Variants in GRM7 observed in about 807,000 individuals in gnomAD.
GRM7 encodes the protein metabotropic glutamate receptor 7.
A neutral mutation model predicts 84.5 loss-of-function variants in GRM7; 35 were observed. The observed-to-expected ratio is 0.41, with a 90% CI of 0.32 to 0.55. The LOEUF (loss-of-function observed/expected upper bound fraction) is 0.55. Among genes scored for constraint, GRM7 ranks in the 20% least tolerant of loss-of-function variants. The probability of loss-of-function intolerance (pLI) is 0.19; values close to 1 mark genes in which losing one functional copy is unlikely to be tolerated. For synonymous variants in GRM7, 487 were observed against 455.1 expected (o/e 1.07, Z -0.89); for missense variants, 1,003 against 1,194.6 (o/e 0.84, Z 2.36).
intron 2 of GRM7, among the ~76,000 whole-genome samples, chr3:7,222,501 T>G (rs1696842789): frequency 6.6e-6 from 1 of 151,582 alleles, no homozygotes; most frequent in African/African-American, 2.4e-5. Context: ...AGAACTGAAG[T>G]CAGCCAATGG....
rs184949030 is a variant in GRM7, at chr3:7,207,809, C to T, written c.736+61141C>T. On this transcript the variant is annotated intron_variant, in intron 2 of 9. Transcript: ENST00000357716. ...ACAACTTTCAGAATTATTTTACTTTCTTTCCAAATCATACTGGTTTTGCTA... is the reference window on the plus strand; with the variant it reads ...ACAACTTTCAGAATTATTTTACTTTTTTTCCAAATCATACTGGTTTTGCTA... Among the ~76,000 whole-genome samples the T allele has an allele frequency of 1.1e-3, 171 of 152,098 alleles. 1 individual carries two copies. The highest frequency in any genetic ancestry group is 4.0e-3 in the African/African-American group (167 of 41,368).
intron 4 of GRM7, among the ~76,000 whole-genome samples, chr3:7,307,291 C>T (rs1039161197): frequency 1.3e-5 from 2 of 151,614 alleles, no homozygotes; most frequent in Non-Finnish European, 2.9e-5. Context: ...ACAAAATTTG[C>T]CGATTATAAG....
At chr3:7,254,458 T>G (rs1698125405) in intron 2 of GRM7, among the ~76,000 whole-genome samples, 1 of 152,226 alleles carries the variant, frequency 6.6e-6, no homozygotes, top group Non-Finnish European at 1.5e-5. Flanking sequence ...ATGTTCAGCG[T>G]ACAAGCTGTA....
At chr3:7,205,322 T>A (rs1696198900) in intron 2 of GRM7, among the ~76,000 whole-genome samples, 3 of 152,170 alleles carry the variant, frequency 2.0e-5, no homozygotes, top group African/African-American at 7.2e-5. Context: ...CTAGTGCAAT[T>A]TGTAACTGTG....
At chr3:7,708,642 G>T (rs1007155957) in intron 9 of GRM7, among the ~76,000 whole-genome samples, 1 of 152,118 alleles carries the variant, frequency 6.6e-6, no homozygotes, top group African/African-American at 2.4e-5. Flanking sequence ...GAGCAAAGGA[G>T]TTTTCCAGGA....
chr3:6,946,536 A>T (rs1698088979), intron 1 of GRM7, among the ~76,000 whole-genome samples: 1 of 152,130 alleles, frequency 6.6e-6, no homozygotes. Flanking sequence ...TTGACATGGC[A>T]ATGCAGGCTC....
At chr3:6,950,214 T>A (rs1317058485) in intron 1 of GRM7, among the ~76,000 whole-genome samples, 4 of 152,188 alleles carry the variant, frequency 2.6e-5, no homozygotes, top group African/African-American at 9.7e-5. Flanking sequence ...TTGATGATGG[T>A]GATGTACAGA....
chr3:7,342,858 C>T (rs978382174), intron 4 of GRM7, among the ~76,000 whole-genome samples: 2 of 152,130 alleles, frequency 1.3e-5, no homozygotes, highest in East Asian at 3.9e-4. Context: ...CCTATGTGGT[C>T]TGTAGCTTTG....
At chr3:7,537,317 G>A (rs534928927) in intron 7 of GRM7, among the ~76,000 whole-genome samples, 26 of 151,946 alleles carry the variant, frequency 1.7e-4, no homozygotes. Context: ...CTAAAACTAC[G>A]GTTCTCAACT....
At chr3:7,547,351 C>G (rs1318165567) in intron 7 of GRM7, among the ~76,000 whole-genome samples, 2 of 151,776 alleles carry the variant, frequency 1.3e-5, no homozygotes, top group African/African-American at 4.8e-5. Context: ...GGACTACAGG[C>G]GCCCGCCGCC....
intron 9 of GRM7, among the ~76,000 whole-genome samples, chr3:7,717,399 C>T (rs571636319): frequency 2.9e-4 from 44 of 152,148 alleles, no homozygotes; most frequent in Middle Eastern, 3.4e-3. Context: ...CAGGTGGTTG[C>T]GGAAGGTCTA....
intron 5 of GRM7, among the ~76,000 whole-genome samples, chr3:7,421,778 G>A (rs1696404060): frequency 6.6e-6 from 1 of 151,932 alleles, no homozygotes; most frequent in African/African-American, 2.4e-5. Flanking sequence ...GGTTGCTGGA[G>A]GTTCTAGAGC....
At chr3:7,614,983 A>G (rs951208692) in intron 8 of GRM7, among the ~76,000 whole-genome samples, 4 of 152,042 alleles carry the variant, frequency 2.6e-5, no homozygotes, top group Admixed American at 2.6e-4. Context: ...TCTGTGTCAT[A>G]CCCTTTGGGC....
At chr3:7,385,155 G>A (rs565833738) in intron 4 of GRM7, among the ~76,000 whole-genome samples, 45 of 151,588 alleles carry the variant, frequency 3.0e-4, no homozygotes, top group African/African-American at 1.2e-4. Context: ...ATGCATTTCC[G>A]GGAGATTAAG....
chr3:7,553,874 T>C (rs537362556), intron 7 of GRM7, among the ~76,000 whole-genome samples: 20 of 152,174 alleles, frequency 1.3e-4, no homozygotes, highest in Middle Eastern at 3.2e-3. Flanking sequence ...ACCTAGGAAA[T>C]CTTTCTTTTC....
intron 2 of GRM7, among the ~76,000 whole-genome samples, chr3:7,167,517 C>T (rs1694838644): frequency 6.6e-6 from 1 of 152,158 alleles, no homozygotes; most frequent in Non-Finnish European, 1.5e-5. Context: ...TGGCCTGTGT[C>T]AGTGTTCAAG....
chr3:7,064,505 C>CACATATACATATGTATATATACACATAT (rs1553612672), intron 1 of GRM7, among the ~76,000 whole-genome samples: 1 of 101,008 alleles, frequency 9.9e-6, no homozygotes, highest in Non-Finnish European at 2.1e-5. Context: ...TATATATACA[C>CACATATACATATGTATATATACACATAT]ATATATATAT....
chr3:6,971,694 A>T (rs2125094622), intron 1 of GRM7, among the ~76,000 whole-genome samples: 1 of 152,060 alleles, frequency 6.6e-6, no homozygotes, highest in African/African-American at 2.4e-5. Context: ...TTAGCCTCAA[A>T]TTTTTCCTTT....
intron 2 of GRM7, among the ~76,000 whole-genome samples, chr3:7,172,463 C>G (rs1289583582): frequency 6.6e-6 from 1 of 152,062 alleles, no homozygotes; most frequent in East Asian, 1.9e-4. Context: ...TTTCTTTTTG[C>G]TAGAAGCTTC....
Sources: allele counts gnomAD v4.1 joint callset (sites outside exome capture counted in the v4.1 genomes callset), GRCh38; gene constraint gnomAD v4.1.1; transcripts MANE v1.5; gene names NCBI Gene and HGNC (gene_info 2026-07-23, HGNC 2026-07-21).